The following GARIN5A variants were observed in gnomAD, a reference collection of about 807,000 sequenced individuals.
GARIN5A encodes the protein Golgi-associated RAB2 interactor protein 5A.
At chr19:50,472,118 G>A in the GARIN5A span, among the ~76,000 whole-genome samples, 4 of 150,582 alleles carry the variant, frequency 2.7e-5, no homozygotes, top group Admixed American at 2.7e-4. Context: ...GTGTGTATAT[G>A]TATATATACG....
chr19:50,475,182 G>C, the GARIN5A span: 2 of 1,267,636 alleles, frequency 1.6e-6, no homozygotes, highest in Admixed American at 2.9e-5. Context: ...TTGTTCTCCC[G>C]GGTAGATGGC....
the GARIN5A span, chr19:50,475,968 T>TG: frequency 1.2e-6 from 2 of 1,607,742 alleles, no homozygotes; most frequent in Non-Finnish European, 1.7e-6. Context: ...GGACGAAGTC[T>TG]GGGGGTCGAT....
the GARIN5A span, among the ~76,000 whole-genome samples, chr19:50,468,388 A>G: frequency 1.8e-4 from 22 of 124,496 alleles, no homozygotes; most frequent in Non-Finnish European, 3.8e-4. Context: ...AAAAAAAAAA[A>G]TCCCATCTTG....
chr19:50,472,170 G>A, the GARIN5A span, among the ~76,000 whole-genome samples: 614 of 147,102 alleles, frequency 4.2e-3, 53 homozygotes, highest in African/African-American at 0.011. Context: ...ATGTATACGT[G>A]TGTATATGTA....
chr19:50,472,179 T>C, the GARIN5A span, among the ~76,000 whole-genome samples: 26 of 142,044 alleles, frequency 1.8e-4, no homozygotes, highest in East Asian at 1.1e-3. Context: ...TGTGTATATG[T>C]ATGTATACAT....
the GARIN5A span, among the ~76,000 whole-genome samples, chr19:50,471,960 A>G: frequency 4.7e-5 from 7 of 147,698 alleles, 1 homozygote; most frequent in African/African-American, 1.3e-4. Flanking sequence ...ACATGTATGT[A>G]TGTATATATA....
chr19:50,476,144 G>C, the GARIN5A span: 1 of 1,613,452 alleles, frequency 6.2e-7, no homozygotes. Flanking sequence ...CATCCCACCT[G>C]GTTCCACCTC....
chr19:50,471,350 C>T, the GARIN5A span, among the ~76,000 whole-genome samples: 10 of 151,896 alleles, frequency 6.6e-5, no homozygotes, highest in Non-Finnish European at 1.2e-4. Context: ...GCCACTGCAA[C>T]CTCCGACTCC....
chr19:50,467,547 T>C, the GARIN5A span: 1 of 1,506,218 alleles, frequency 6.6e-7, no homozygotes, highest in Non-Finnish European at 9.0e-7. Context: ...GCTTCCCCCC[T>C]CTCCTCACCT....
the GARIN5A span, chr19:50,467,626 T>C: frequency 6.4e-7 from 1 of 1,558,516 alleles, no homozygotes; most frequent in Non-Finnish European, 8.7e-7. Flanking sequence ...CAGCACCTCT[T>C]ACTCCTGCGT....
the GARIN5A span, among the ~76,000 whole-genome samples, chr19:50,471,859 CAT>C: frequency 1.3e-5 from 2 of 149,008 alleles, no homozygotes; most frequent in East Asian, 2.1e-4. Flanking sequence ...CGCATACATA[CAT>C]GTGTATATGT....
the GARIN5A span, among the ~76,000 whole-genome samples, chr19:50,468,426 A>C: frequency 6.6e-6 from 1 of 151,100 alleles, no homozygotes; most frequent in Non-Finnish European, 1.5e-5. Context: ...CCGACTCATA[A>C]CATGTTCAAC....
the GARIN5A span, chr19:50,475,537 G>T: frequency 1.5e-6 from 2 of 1,336,812 alleles, no homozygotes; most frequent in South Asian, 1.3e-5. Flanking sequence ...AATCTTGGTA[G>T]GGGAAAAGGT....
At chr19:50,476,296 CT>C in the GARIN5A span, 2 of 1,599,926 alleles carry the variant, frequency 1.3e-6, no homozygotes, top group Non-Finnish European at 1.7e-6. Context: ...GCGGAGCGGG[CT>C]TTATGACGTC....
At chr19:50,471,016 A>G in the GARIN5A span, among the ~76,000 whole-genome samples, 4,429 of 151,372 alleles carry the variant, frequency 0.029, 158 homozygotes, top group African/African-American at 0.081. Flanking sequence ...CCAGGCTGGA[A>G]TGGAGTGGCG....
chr19:50,475,858 G>C, the GARIN5A span: 1 of 1,613,852 alleles, frequency 6.2e-7, no homozygotes, highest in Non-Finnish European at 8.5e-7. Context: ...CTCAAAGATG[G>C]GGAAGTCCCG....
At chr19:50,473,739 C>A in the GARIN5A span, among the ~76,000 whole-genome samples, 1 of 152,064 alleles carries the variant, frequency 6.6e-6, no homozygotes, top group Non-Finnish European at 1.5e-5. Flanking sequence ...GTAATCCCAG[C>A]ACTTTGGGAG....
At chr19:50,472,149 T>TGTGTATATGTATATATAC in the GARIN5A span, among the ~76,000 whole-genome samples, 2 of 151,402 alleles carry the variant, frequency 1.3e-5, no homozygotes, top group Non-Finnish European at 2.9e-5. Flanking sequence ...TATGTATACG[T>TGTGTATATGTATATATAC]GTGTATATGT....
At chr19:50,476,224 C>T in the GARIN5A span, 3 of 1,613,588 alleles carry the variant, frequency 1.9e-6, no homozygotes, top group South Asian at 1.1e-5. Flanking sequence ...CCGACGGGAG[C>T]GGACGGAGGA....
Sources: allele counts gnomAD v4.1 joint callset (sites outside exome capture counted in the v4.1 genomes callset), GRCh38; gene constraint gnomAD v4.1.1; transcripts MANE v1.5; gene names NCBI Gene and HGNC (gene_info 2026-07-23, HGNC 2026-07-21).